ATXN1: variants seen among roughly 807,000 people sequenced by gnomAD.
The protein encoded by ATXN1 is ataxin-1.
A neutral mutation model predicts 56.4 loss-of-function variants in ATXN1; 8 were observed. That is an observed-to-expected ratio of 0.14 (90% CI 0.08 to 0.26). The LOEUF (loss-of-function observed/expected upper bound fraction) is 0.26, where lower values mean the gene tolerates loss of function less well. Ranked by LOEUF, ATXN1 falls within the 10% of genes least tolerant of loss-of-function variation. The pLI, the probability that ATXN1 is intolerant of heterozygous loss-of-function variation, is 1.00. For missense variants in ATXN1, 987 were observed against 1,106.5 expected (o/e 0.89, Z 1.53); for synonymous variants, 514 against 494.6 (o/e 1.04, Z -0.52).
At chr6:16,489,830 G>T (rs761999916) in intron 5 of ATXN1, among the ~76,000 whole-genome samples, 55 of 152,110 alleles carry the variant, frequency 3.6e-4, no homozygotes, top group Non-Finnish European at 6.9e-4. Flanking sequence ...AAAAAGGAAA[G>T]AAACGAATAG....
chr6:16,470,662 T>C (rs915345415), intron 6 of ATXN1, among the ~76,000 whole-genome samples: 1 of 152,002 alleles, frequency 6.6e-6, no homozygotes, highest in African/African-American at 2.4e-5. Flanking sequence ...CCTAATCTGT[T>C]TGAAAAATGA....
At chr6:16,576,040 C>T (rs956274287) in intron 4 of ATXN1, among the ~76,000 whole-genome samples, 2 of 151,860 alleles carry the variant, frequency 1.3e-5, no homozygotes, top group Non-Finnish European at 2.9e-5. Context: ...ATGCAATAAA[C>T]TCAGACTCTT....
At chr6:16,364,985 T>C (rs1211281225) in intron 6 of ATXN1, among the ~76,000 whole-genome samples, 1 of 152,094 alleles carries the variant, frequency 6.6e-6, no homozygotes, top group Non-Finnish European at 1.5e-5. Flanking sequence ...AAGCTAGAGG[T>C]ATACCCAGGA....
intron 6 of ATXN1, among the ~76,000 whole-genome samples, chr6:16,453,077 G>C (rs1195797967): frequency 6.6e-6 from 1 of 152,096 alleles, no homozygotes; most frequent in Non-Finnish European, 1.5e-5. Context: ...TTGGTGTGGA[G>C]GAAAAGTTGA....
chr6:16,369,532 C>G (rs148603582), intron 6 of ATXN1, among the ~76,000 whole-genome samples: 2 of 152,198 alleles, frequency 1.3e-5, no homozygotes, highest in Admixed American at 6.5e-5. Flanking sequence ...TTTACTCATG[C>G]GGTAAATGCC....
At chr6:16,742,322 T>A (rs1374695124) in intron 2 of ATXN1, among the ~76,000 whole-genome samples, 5 of 152,102 alleles carry the variant, frequency 3.3e-5, no homozygotes, top group Admixed American at 3.3e-4. Flanking sequence ...GGGTCATACT[T>A]CTCTCTAGTC....
intron 5 of ATXN1, among the ~76,000 whole-genome samples, chr6:16,514,340 A>C (rs1381513666): frequency 1.3e-5 from 2 of 152,158 alleles, no homozygotes; most frequent in Non-Finnish European, 2.9e-5. Flanking sequence ...AACCGGCAAG[A>C]CATTACCCCT....
chr6:16,443,222 A>AAC, intron 6 of ATXN1, among the ~76,000 whole-genome samples: 1 of 150,864 alleles, frequency 6.6e-6, no homozygotes, highest in Non-Finnish European at 1.5e-5. Flanking sequence ...AAAAAAAAAA[A>AAC]AAAAAAAAAA....
At chr6:16,646,283 C>A (rs1436513704) in intron 3 of ATXN1, among the ~76,000 whole-genome samples, 1 of 152,162 alleles carries the variant, frequency 6.6e-6, no homozygotes, top group Non-Finnish European at 1.5e-5. Flanking sequence ...AAGTAAATTC[C>A]TGCTAAGAGT....
At chr6:16,398,882 T>C (rs949676932) in intron 6 of ATXN1, among the ~76,000 whole-genome samples, 6 of 152,224 alleles carry the variant, frequency 3.9e-5, no homozygotes, top group Admixed American at 6.5e-5. Context: ...TGAGACTAAA[T>C]CCTGTTTGGA....
At chr6:16,394,372 A>G (rs1170601582) in intron 6 of ATXN1, among the ~76,000 whole-genome samples, 1 of 152,190 alleles carries the variant, frequency 6.6e-6, no homozygotes, top group Non-Finnish European at 1.5e-5. Flanking sequence ...CTTCTTGGGA[A>G]TATTTTCTAG....
At chr6:16,618,997 A>T (rs1426309536) in intron 3 of ATXN1, among the ~76,000 whole-genome samples, 1 of 152,186 alleles carries the variant, frequency 6.6e-6, no homozygotes, top group Non-Finnish European at 1.5e-5. Context: ...TGGCCAATTT[A>T]AAAAAGAAAT....
At chr6:16,528,540 C>T (rs1175542047) in intron 4 of ATXN1, among the ~76,000 whole-genome samples, 6 of 152,160 alleles carry the variant, frequency 3.9e-5, no homozygotes, top group Non-Finnish European at 8.8e-5. Flanking sequence ...ATTATATTTT[C>T]GGACTAACTT....
intron 5 of ATXN1, among the ~76,000 whole-genome samples, chr6:16,500,250 T>C (rs1293942368): frequency 1.3e-5 from 2 of 152,204 alleles, no homozygotes; most frequent in Admixed American, 6.5e-5. Flanking sequence ...ATTGTTCCCA[T>C]ATGACACACG....
rs1400324198 is a variant in ATXN1 at position 16,301,518 on chromosome 6, G to T, written c.*4811C>A. On this transcript the variant is annotated 3_prime_UTR_variant, in exon 8 of 8. Coordinates refer to ENST00000436367, the MANE Select transcript of ATXN1 (RefSeq NM_001128164.2). ...TATATTCTCTGTATATTTATTACTT[G>T]ATGTGTTCTTAAATTCTCTATTTCA... 6.6e-6 allele frequency: 1 copy of T among 152,278 alleles called. No individual in the cohort carries two copies. The highest frequency in any genetic ancestry group is 1.5e-5 in the Non-Finnish European group (1 of 67,982). 9.4% of individuals were successfully genotyped at this position (152,278 alleles called of 1,614,324 possible).
At chr6:16,473,101 C>T (rs1760251797) in intron 6 of ATXN1, among the ~76,000 whole-genome samples, 1 of 152,134 alleles carries the variant, frequency 6.6e-6, no homozygotes. Flanking sequence ...TACTTGTAGA[C>T]TCTTCTGTAT....
chr6:16,346,556 G>A (rs1234005517), intron 6 of ATXN1, among the ~76,000 whole-genome samples: 2 of 152,208 alleles, frequency 1.3e-5, no homozygotes, highest in Admixed American at 6.5e-5. Flanking sequence ...TCTGACTCCT[G>A]AGCAGGAAGC....
intron 2 of ATXN1, among the ~76,000 whole-genome samples, chr6:16,715,412 T>A (rs1759618209): frequency 6.6e-6 from 1 of 152,168 alleles, no homozygotes; most frequent in African/African-American, 2.4e-5. Flanking sequence ...ATGTGTTAAT[T>A]CAAAAAATTT....
chr6:16,384,195 A>G (rs1758191772), intron 6 of ATXN1, among the ~76,000 whole-genome samples: 1 of 152,204 alleles, frequency 6.6e-6, no homozygotes, highest in South Asian at 2.1e-4. Context: ...TTCTCCATGG[A>G]TCCACAACAG....
Sources: allele counts gnomAD v4.1 joint callset (sites outside exome capture counted in the v4.1 genomes callset), GRCh38; gene constraint gnomAD v4.1.1; transcripts MANE v1.5; gene names NCBI Gene and HGNC (gene_info 2026-07-23, HGNC 2026-07-21).